TBCA: variants seen among roughly 807,000 people sequenced by gnomAD.
TBCA encodes the protein tubulin-specific chaperone A.
TBCA carries 6 observed loss-of-function variants against 15.8 expected under a neutral mutation model. That is an observed-to-expected ratio of 0.38 (90% CI 0.21 to 0.75). The LOEUF (loss-of-function observed/expected upper bound fraction) is 0.75, where lower values mean the gene tolerates loss of function less well. TBCA is among the 30% of genes least tolerant of loss of function. The pLI, the probability that TBCA is intolerant of heterozygous loss-of-function variation, is 0.46. For synonymous variants in TBCA, 32 were observed against 42.3 expected (o/e 0.76, Z 0.94); for missense variants, 90 against 131.2 (o/e 0.69, Z 1.53).
At position 77,776,318 on chromosome 5, in the gene TBCA, C is replaced by G; in HGVS notation, c.-61G>C. On this transcript the variant is annotated 5_prime_UTR_variant, in exon 1 of 4. Coordinates refer to ENST00000380377, the MANE Select transcript of TBCA (RefSeq NM_004607.3). ...GCCGGGGTAACCGTGGAGGGCGACG[C>G]GCAGAGGCTGCGGCTATTTAGGCGT... 2 of 1,544,740 alleles carry G rather than the reference C, an allele frequency of 1.3e-6. No homozygotes were observed. Among genetic ancestry groups the G allele is most frequent in the Non-Finnish European group, 1.8e-6 (2 of 1,142,492 alleles).
chr5:77,720,892 G>A (rs1230862265), intron 1 of TBCA, among the ~76,000 whole-genome samples: 1 of 152,116 alleles, frequency 6.6e-6, no homozygotes, highest in African/African-American at 2.4e-5. Context: ...TTTAAAGGTA[G>A]CATCTGAAAG....
intron 1 of TBCA, among the ~76,000 whole-genome samples, chr5:77,718,593 G>GT (rs1182144631): frequency 6.6e-6 from 1 of 152,144 alleles, no homozygotes; most frequent in Non-Finnish European, 1.5e-5. Context: ...AATTCAGTGA[G>GT]TTTTAGTCAT....
intron 1 of TBCA, among the ~76,000 whole-genome samples, chr5:77,765,846 T>C (rs931839684): frequency 2.0e-5 from 3 of 147,450 alleles, no homozygotes; most frequent in Non-Finnish European, 4.4e-5. Flanking sequence ...ACAATGTACA[T>C]TGTGGCACCA....
chr5:77,696,769 T>C (rs575959759), intron 2 of TBCA, among the ~76,000 whole-genome samples: 152 of 152,056 alleles, frequency 1.0e-3, no homozygotes, highest in Non-Finnish European at 1.7e-3. Context: ...AAAATAAAAA[T>C]TAGGTGAGTG....
intron 1 of TBCA, among the ~76,000 whole-genome samples, chr5:77,760,790 G>A (rs1174267211): frequency 3.9e-5 from 6 of 152,296 alleles, no homozygotes; most frequent in South Asian, 2.1e-4. Flanking sequence ...CCTCCCAGCC[G>A]CCTGCCTTGG....
chr5:77,757,936 C>T (rs1248503671), intron 1 of TBCA, among the ~76,000 whole-genome samples: 1 of 152,114 alleles, frequency 6.6e-6, no homozygotes, highest in East Asian at 1.9e-4. Context: ...CTGTACGGGT[C>T]TGCAGCAATC....
intron 1 of TBCA, among the ~76,000 whole-genome samples, chr5:77,722,797 A>T (rs749022762): frequency 3.1e-4 from 47 of 151,900 alleles, no homozygotes; most frequent in Non-Finnish European, 5.6e-4. Context: ...ACAACATTAA[A>T]TATAAACTAT....
chr5:77,737,970 T>G (rs1202518975), intron 1 of TBCA, among the ~76,000 whole-genome samples: 1 of 152,236 alleles, frequency 6.6e-6, no homozygotes, highest in Non-Finnish European at 1.5e-5. Flanking sequence ...TCTGCTCTGG[T>G]GCAGTAGTAA....
intron 1 of TBCA, among the ~76,000 whole-genome samples, chr5:77,768,406 G>T (rs1158727727): frequency 6.6e-6 from 1 of 152,186 alleles, no homozygotes; most frequent in Non-Finnish European, 1.5e-5. Context: ...GGTCACATAT[G>T]TAATAACGTG....
At chr5:77,731,662 C>A (rs1746771849) in intron 1 of TBCA, among the ~76,000 whole-genome samples, 1 of 151,964 alleles carries the variant, frequency 6.6e-6, no homozygotes, top group African/African-American at 2.4e-5. Flanking sequence ...AAATACTTTC[C>A]CCAGTGTGTC....
intron 1 of TBCA, among the ~76,000 whole-genome samples, chr5:77,736,685 C>T (rs1228241117): frequency 6.6e-6 from 1 of 152,130 alleles, no homozygotes; most frequent in Non-Finnish European, 1.5e-5. Flanking sequence ...TCTCTACCTC[C>T]TCATATTTAC....
chr5:77,737,833 T>C (rs1293996648), intron 1 of TBCA, among the ~76,000 whole-genome samples: 1 of 152,218 alleles, frequency 6.6e-6, no homozygotes, highest in Non-Finnish European at 1.5e-5. Flanking sequence ...TTCTCTTCAC[T>C]TTACTGATAC....
At chr5:77,718,154 A>ACC (rs1249524107) in intron 1 of TBCA, among the ~76,000 whole-genome samples, 1 of 152,082 alleles carries the variant, frequency 6.6e-6, no homozygotes, top group Non-Finnish European at 1.5e-5. Flanking sequence ...ACAAACCAAG[A>ACC]CCACTTTGTT....
chr5:77,716,925 A>T (rs532589763), intron 1 of TBCA, among the ~76,000 whole-genome samples: 14 of 152,296 alleles, frequency 9.2e-5, no homozygotes, highest in African/African-American at 3.4e-4. Flanking sequence ...GGCACGTGCA[A>T]ATGACCCAAC....
intron 1 of TBCA, among the ~76,000 whole-genome samples, chr5:77,741,659 T>A (rs1159210071): frequency 6.6e-6 from 1 of 152,158 alleles, no homozygotes; most frequent in African/African-American, 2.4e-5. Context: ...AGTATTCTAG[T>A]CAGAGGAAAC....
chr5:77,751,562 C>A lies in TBCA; in HGVS notation c.53+24643G>T, dbSNP rs917698668. Among the ~76,000 whole-genome samples the A allele has an allele frequency of 4.6e-5, 7 of 151,854 alleles. 1 individual carries two copies. Among genetic ancestry groups the A allele is most frequent in the Admixed American group, 4.6e-4 (7 of 15,256 alleles). ...GATGGTTGGGGGTGGGGGAGGGTTC[C>A]AATTTTATTTTTGATTTACATTCTC... On this transcript the variant is annotated intron_variant, in intron 1 of 3. Coordinates refer to ENST00000380377, the MANE Select transcript of TBCA (RefSeq NM_004607.3).
At chr5:77,769,861 ATTTAAT>A (rs1747868059) in intron 1 of TBCA, among the ~76,000 whole-genome samples, 1 of 152,214 alleles carries the variant, frequency 6.6e-6, no homozygotes, top group South Asian at 2.1e-4. Flanking sequence ...TGTCACTTTC[ATTTAAT>A]CAGAGGAAAA....
At chr5:77,738,061 G>A (rs1746950144) in intron 1 of TBCA, among the ~76,000 whole-genome samples, 1 of 152,114 alleles carries the variant, frequency 6.6e-6, no homozygotes, top group South Asian at 2.1e-4. Flanking sequence ...CTACCTCTTG[G>A]ATGAGCAGAG....
At position 77,766,215 on chromosome 5, in the gene TBCA, T is replaced by C. The variant is rs539109536; in HGVS notation, c.53+9990A>G. On this transcript the variant is annotated intron_variant, in intron 1 of 3. Transcript: ENST00000380377. ...AAACACACAAACACAGACCCCTCTA[T>C]TAAACTAGAATTTAAGAATCTATTC... 5.3e-5 allele frequency among the ~76,000 whole-genome samples: 8 copies of C among 152,268 alleles called. No individual in the cohort carries two copies. In the South Asian group the frequency reaches 1.7e-3, roughly 32 times the overall value.
Sources: allele counts gnomAD v4.1 joint callset (sites outside exome capture counted in the v4.1 genomes callset), GRCh38; gene constraint gnomAD v4.1.1; transcripts MANE v1.5; gene names NCBI Gene and HGNC (gene_info 2026-07-23, HGNC 2026-07-21).